CLASP1: variants seen among roughly 807,000 people sequenced by gnomAD.
CLASP1 encodes CLIP-associating protein 1.
Under a neutral mutation model 192.3 loss-of-function variants are expected in CLASP1, and 38 were observed. The ratio of observed to expected loss-of-function variants is 0.20; its 90% CI spans 0.15 to 0.26. The LOEUF (loss-of-function observed/expected upper bound fraction) is 0.26. CLASP1 is among the 10% of genes least tolerant of loss of function. The pLI is 1.00. For missense variants in CLASP1, 1,433 were observed against 1,932.5 expected (o/e 0.74, Z 4.85); for synonymous variants, 691 against 712.8 (o/e 0.97, Z 0.49).
rs921433775 is a variant in CLASP1 at position 121,537,800 on chromosome 2, AAATC to A, written c.196-7479_196-7476del. ...GTCCTGGTGCTACTGGTTTAACAAT[AAATC>A]ATTCCATGTAACTTGCCATATTAAT... is the stretch of plus-strand genomic sequence containing the variant. On this transcript the variant is annotated intron_variant, in intron 2 of 39. Transcript: ENST00000263710. 3.7e-4 allele frequency among the ~76,000 whole-genome samples: 56 copies of A among 152,352 alleles called. 1 individual carries two copies. Among genetic ancestry groups the A allele is most frequent in the East Asian group, 1.4e-3 (7 of 5,184 alleles).
chr2:121,559,210 G>A (rs1430424707), intron 2 of CLASP1, among the ~76,000 whole-genome samples: 3 of 152,128 alleles, frequency 2.0e-5, no homozygotes, highest in Non-Finnish European at 2.9e-5. Context: ...TTTTTGGTAA[G>A]GACATGGAGA....
At chr2:121,591,340 CACT>C (rs1170236260) in intron 2 of CLASP1, among the ~76,000 whole-genome samples, 2 of 152,100 alleles carry the variant, frequency 1.3e-5, no homozygotes, top group Non-Finnish European at 2.9e-5. Context: ...TATATATGCA[CACT>C]AATACCAAAA....
At chr2:121,423,191 T>C (rs953858461) in intron 22 of CLASP1, among the ~76,000 whole-genome samples, 7 of 152,272 alleles carry the variant, frequency 4.6e-5, no homozygotes, top group African/African-American at 1.7e-4. Context: ...TCTTCTTTAA[T>C]ATAAACTATA....
At chr2:121,387,784 C>G in exon 31 of CLASP1, 1 of 1,613,788 alleles carries the variant, frequency 6.2e-7, no homozygotes, top group Non-Finnish European at 8.5e-7. Flanking sequence ...TACTGGAATT[C>G]TTGAGGTGGT....
chr2:121,374,109 T>C (rs940735031), intron 34 of CLASP1, among the ~76,000 whole-genome samples: 1 of 152,250 alleles, frequency 6.6e-6, no homozygotes, highest in African/African-American at 2.4e-5. Context: ...AATGGTTTTG[T>C]GGGCCAGGCC....
At chr2:121,584,308 A>G (rs978438152) in intron 2 of CLASP1, among the ~76,000 whole-genome samples, 1 of 152,226 alleles carries the variant, frequency 6.6e-6, no homozygotes, top group Non-Finnish European at 1.5e-5. Context: ...CAGCAGAAAC[A>G]GACTAAGACG....
intron 2 of CLASP1, among the ~76,000 whole-genome samples, chr2:121,572,954 T>G (rs1430928516): frequency 6.6e-6 from 1 of 152,202 alleles, no homozygotes; most frequent in African/African-American, 2.4e-5. Context: ...GCAGTGCTCA[T>G]GAAAACAGTT....
intron 16 of CLASP1, among the ~76,000 whole-genome samples, chr2:121,449,865 G>A (rs555256562): frequency 1.7e-4 from 26 of 152,262 alleles, no homozygotes; most frequent in South Asian, 6.2e-4. Flanking sequence ...AAACCGTAAC[G>A]TTGCAGGCTA....
intron 2 of CLASP1, among the ~76,000 whole-genome samples, chr2:121,591,899 TG>T (rs2062442362): frequency 6.6e-6 from 1 of 152,208 alleles, no homozygotes; most frequent in African/African-American, 2.4e-5. Context: ...CAAAATCCCA[TG>T]TAAAATGCAG....
chr2:121,585,231 T>A (rs1347021083), intron 2 of CLASP1, among the ~76,000 whole-genome samples: 3 of 152,126 alleles, frequency 2.0e-5, no homozygotes, highest in Non-Finnish European at 4.4e-5. Context: ...ATAGCTGGAG[T>A]CACCTTCAAA....
intron 2 of CLASP1, among the ~76,000 whole-genome samples, chr2:121,560,632 G>A (rs1025417456): frequency 6.6e-6 from 1 of 152,142 alleles, no homozygotes. Flanking sequence ...CCACCTCTAG[G>A]AATAAGGGGT....
intron 8 of CLASP1, among the ~76,000 whole-genome samples, chr2:121,478,799 A>ACC (rs1559367326): frequency 1.4e-4 from 3 of 21,588 alleles, no homozygotes; most frequent in Non-Finnish European, 3.2e-4. Flanking sequence ...CACACCACAC[A>ACC]CCACACACAC....
chr2:121,583,801 T>G (rs904349636), intron 2 of CLASP1, among the ~76,000 whole-genome samples: 2 of 152,058 alleles, frequency 1.3e-5, no homozygotes, highest in African/African-American at 2.4e-5. Flanking sequence ...GCATCAAGAG[T>G]TGAGGCTTTG....
At chr2:121,421,232 G>A (rs2079446334) in intron 22 of CLASP1, among the ~76,000 whole-genome samples, 1 of 152,088 alleles carries the variant, frequency 6.6e-6, no homozygotes, top group South Asian at 2.1e-4. Flanking sequence ...TCTAAAAGAA[G>A]GATTTAAAAT....
At chr2:121,533,583 C>T (rs2094956048) in intron 2 of CLASP1, among the ~76,000 whole-genome samples, 1 of 152,122 alleles carries the variant, frequency 6.6e-6, no homozygotes, top group Non-Finnish European at 1.5e-5. Context: ...CTGCATGGCT[C>T]ACTGGAATAC....
chr2:121,571,966 T>C (rs1357128817), intron 2 of CLASP1, among the ~76,000 whole-genome samples: 2 of 148,416 alleles, frequency 1.3e-5, no homozygotes, highest in South Asian at 2.1e-4. Context: ...TAGTACTGAT[T>C]ACAAAAAAAA....
At chr2:121,340,920 T>G (rs2062701866) in exon 40 of CLASP1, 1 of 1,609,652 alleles carries the variant, frequency 6.2e-7, no homozygotes, top group African/African-American at 1.3e-5. Context: ...GTCTGGGCCC[T>G]CTTTATGTAT....
intron 8 of CLASP1, among the ~76,000 whole-genome samples, chr2:121,496,606 C>T (rs150911015): frequency 1.3e-5 from 2 of 152,282 alleles, no homozygotes; most frequent in African/African-American, 4.8e-5. Context: ...AAACCAATCG[C>T]AGAGAACACT....
intron 2 of CLASP1, chr2:121,530,864 A>T: frequency 1.5e-6 from 1 of 678,346 alleles, no homozygotes; most frequent in Non-Finnish European, 2.7e-6. Context: ...CTTGCAGCCC[A>T]GGGACTTTCT....
Sources: allele counts gnomAD v4.1 joint callset (sites outside exome capture counted in the v4.1 genomes callset), GRCh38; gene constraint gnomAD v4.1.1; transcripts MANE v1.5; gene names NCBI Gene and HGNC (gene_info 2026-07-23, HGNC 2026-07-21).